Variants in OR3A2 observed in about 807,000 individuals in gnomAD.
OR3A2 encodes the protein olfactory receptor 3A2.
For missense variants in OR3A2, 318 were observed against 392.8 expected (o/e 0.81, Z 1.61); for synonymous variants, 126 against 159.3 (o/e 0.79, Z 1.57).
intron 3 of OR3A2, among the ~76,000 whole-genome samples, chr17:3,299,768 A>T (rs1201187937): frequency 1.3e-5 from 2 of 152,196 alleles, no homozygotes; most frequent in African/African-American, 4.8e-5. Context: ...GTGCCTTAGG[A>T]CCAGCTGCTC....
At chr17:3,289,121 G>A (rs1029820422), upstream of OR3A2, among the ~76,000 whole-genome samples, 1 of 151,912 alleles carries the variant, frequency 6.6e-6, no homozygotes, top group African/African-American at 2.4e-5. Context: ...GTGTGTTTGT[G>A]TGTGTTCATT....
intron 2 of OR3A2, among the ~76,000 whole-genome samples, chr17:3,355,121 A>C (rs1016316867): frequency 2.0e-5 from 3 of 151,196 alleles, no homozygotes; most frequent in Non-Finnish European, 4.4e-5. Flanking sequence ...AATTCTTCTT[A>C]TTATTGATTT....
chr17:3,291,897 A>G, intron 3 of OR3A2: 1 of 1,614,254 alleles, frequency 6.2e-7, no homozygotes, highest in Non-Finnish European at 8.5e-7. Flanking sequence ...GCGAATTCGC[A>G]GGACTGCAGC....
intron 3 of OR3A2, among the ~76,000 whole-genome samples, chr17:3,295,021 C>CT (rs1491152663): frequency 9.9e-5 from 15 of 151,936 alleles, no homozygotes; most frequent in Non-Finnish European, 1.5e-4. Flanking sequence ...AAAATAGGAA[C>CT]TCTGCAGTCT....
chr17:3,290,415 C>G (rs2048854734), intron 3 of OR3A2, among the ~76,000 whole-genome samples: 1 of 152,170 alleles, frequency 6.6e-6, no homozygotes, highest in African/African-American at 2.4e-5. Flanking sequence ...CCTCATCTTT[C>G]CACTTCATTT....
intron 2 of OR3A2, among the ~76,000 whole-genome samples, chr17:3,363,170 T>C (rs2049533362): frequency 6.6e-6 from 1 of 151,924 alleles, no homozygotes; most frequent in Non-Finnish European, 1.5e-5. Flanking sequence ...CTTGAATTTC[T>C]CCCCAGAAAA....
At chr17:3,349,192 A>C (rs1316230187) in intron 2 of OR3A2, among the ~76,000 whole-genome samples, 2 of 152,062 alleles carry the variant, frequency 1.3e-5, no homozygotes, top group South Asian at 2.1e-4. Flanking sequence ...TATTAACTTT[A>C]AATGTAAATG....
At chr17:3,337,932 G>A (rs1325606466) in intron 2 of OR3A2, among the ~76,000 whole-genome samples, 7 of 152,040 alleles carry the variant, frequency 4.6e-5, no homozygotes, top group South Asian at 2.1e-4. Flanking sequence ...CCTTTCCAGC[G>A]CCTGTTGTTT....
At chr17:3,292,587 T>G in intron 3 of OR3A2, 2 of 1,592,312 alleles carry the variant, frequency 1.3e-6, no homozygotes. Flanking sequence ...CTGCATGAGT[T>G]CCTGCAAAGA....
upstream of OR3A2, among the ~76,000 whole-genome samples, chr17:3,288,246 C>CAAAAAA: frequency 8.2e-5 from 6 of 73,480 alleles, no homozygotes; most frequent in Admixed American, 1.4e-4. Context: ...ACCAAAAGGG[C>CAAAAAA]AAAAAAAAAA....
chr17:3,328,644 A>G (rs1335669948), intron 3 of OR3A2, among the ~76,000 whole-genome samples: 1 of 149,642 alleles, frequency 6.7e-6, no homozygotes, highest in African/African-American at 2.5e-5. Context: ...CCAGTTTTCA[A>G]AGGGAATGCT....
intron 3 of OR3A2, among the ~76,000 whole-genome samples, chr17:3,308,966 C>T (rs936487652): frequency 2.0e-5 from 3 of 151,946 alleles, no homozygotes; most frequent in South Asian, 2.1e-4. Flanking sequence ...AGTACAGTGG[C>T]GCTGTCTCAG....
At chr17:3,356,565 A>C (rs888806102) in intron 2 of OR3A2, among the ~76,000 whole-genome samples, 2 of 151,540 alleles carry the variant, frequency 1.3e-5, no homozygotes. Context: ...AAGAAATCCA[A>C]AACACAAACA....
chr17:3,373,090 C>A (rs778027193), intron 2 of OR3A2, among the ~76,000 whole-genome samples: 4 of 152,056 alleles, frequency 2.6e-5, no homozygotes, highest in African/African-American at 9.7e-5. Flanking sequence ...AATTTCCATG[C>A]GTGTGTGTAG....
rs1247396389 is a variant in OR3A2 at position 3,372,126 on chromosome 17, C to T, written c.-179+11678G>A. ...CTCAGACGGGGCGGCCAGGCAGAGA[C>T]GCTCCTCACCTCCCAGACAGGGTCG... On this transcript the variant is annotated intron_variant, in intron 2 of 4. Coordinates refer to the OR3A2 transcript ENST00000573491. Among the ~76,000 whole-genome samples, 87 of 149,598 alleles carry T rather than the reference C, an allele frequency of 5.8e-4. 1 individual carries two copies. Among genetic ancestry groups the T allele is most frequent in the African/African-American group, 8.2e-4 (33 of 40,238 alleles).
upstream of OR3A2, among the ~76,000 whole-genome samples, chr17:3,286,032 AT>A (rs1464129736): frequency 6.6e-6 from 1 of 152,104 alleles, no homozygotes; most frequent in Non-Finnish European, 1.5e-5. Flanking sequence ...TGTCTTCTAC[AT>A]TAGGTATTTC....
intron 3 of OR3A2, among the ~76,000 whole-genome samples, chr17:3,301,333 T>C (rs909622534): frequency 2.2e-4 from 33 of 152,178 alleles, no homozygotes; most frequent in African/African-American, 6.3e-4. Flanking sequence ...TCCTATTTCT[T>C]CACATCCTCT....
intron 3 of OR3A2, among the ~76,000 whole-genome samples, chr17:3,327,634 G>C (rs2049188063): frequency 8.7e-6 from 1 of 115,376 alleles, no homozygotes. Context: ...CCTTGCCCAT[G>C]CCTATGTCCT....
intron 1 of OR3A2, among the ~76,000 whole-genome samples, chr17:3,385,534 G>A (rs527837664): frequency 3.9e-5 from 6 of 152,262 alleles, no homozygotes; most frequent in African/African-American, 7.2e-5. Context: ...GGCACTGTGC[G>A]AAGTATTTTA....
Sources: allele counts gnomAD v4.1 joint callset (sites outside exome capture counted in the v4.1 genomes callset), GRCh38; gene constraint gnomAD v4.1.1; transcripts MANE v1.5; gene names NCBI Gene and HGNC (gene_info 2026-07-23, HGNC 2026-07-21).